OAF: variants seen among roughly 807,000 people sequenced by gnomAD.
OAF encodes the protein out at first homolog.
In OAF, 13 loss-of-function variants were observed where a neutral mutation model predicts 22.5. The ratio of observed to expected loss-of-function variants is 0.58; its 90% CI spans 0.38 to 0.92. The LOEUF (loss-of-function observed/expected upper bound fraction) is 0.92, where lower values mean the gene tolerates loss of function less well. Ranked by LOEUF, OAF falls within the 40% of genes least tolerant of loss-of-function variation. The pLI is 0.00. For synonymous variants in OAF, 175 were observed against 170.5 expected (o/e 1.03, Z -0.21); for missense variants, 347 against 381.8 (o/e 0.91, Z 0.76).
chr11:120,227,771 G>A (rs961875469), intron 3 of OAF, among the ~76,000 whole-genome samples: 17 of 152,130 alleles, frequency 1.1e-4, no homozygotes, highest in African/African-American at 3.4e-4. Context: ...CTGAGCACTG[G>A]TGAAATGCCT....
intron 1 of OAF, among the ~76,000 whole-genome samples, chr11:120,216,262 T>C (rs984226695): frequency 4.6e-5 from 7 of 152,164 alleles, no homozygotes; most frequent in African/African-American, 1.7e-4. Context: ...AATGTCCACG[T>C]TGCCACCTAA....
intron 1 of OAF, among the ~76,000 whole-genome samples, chr11:120,216,890 T>C (rs1314132816): frequency 6.6e-6 from 1 of 152,212 alleles, no homozygotes; most frequent in African/African-American, 2.4e-5. Flanking sequence ...AGATCACCCA[T>C]TGAGCAGTCC....
intron 1 of OAF, among the ~76,000 whole-genome samples, chr11:120,223,999 A>G (rs1938319290): frequency 6.6e-6 from 1 of 152,216 alleles, no homozygotes; most frequent in African/African-American, 2.4e-5. Flanking sequence ...GGAAGATCAG[A>G]TAGCCCAGGC....
At chr11:120,224,300 G>A (rs758397896) in intron 1 of OAF, among the ~76,000 whole-genome samples, 23 of 152,222 alleles carry the variant, frequency 1.5e-4, no homozygotes, top group East Asian at 5.8e-4. Flanking sequence ...ACATGCACTC[G>A]TTTGTTGCAG....
chr11:120,211,990 C>G (rs192688683), intron 1 of OAF, among the ~76,000 whole-genome samples: 1 of 152,154 alleles, frequency 6.6e-6, no homozygotes, highest in Admixed American at 6.5e-5. Context: ...TTTGGAGTCC[C>G]TCTGTCACCT....
At chr11:120,219,072 C>T (rs911727475) in intron 1 of OAF, among the ~76,000 whole-genome samples, 6 of 104,172 alleles carry the variant, frequency 5.8e-5, no homozygotes, top group East Asian at 3.1e-4. Context: ...GAGGGTGATG[C>T]GGGGTGTGCC....
At chr11:120,216,333 C>T (rs1938212579) in intron 1 of OAF, among the ~76,000 whole-genome samples, 1 of 152,174 alleles carries the variant, frequency 6.6e-6, no homozygotes, top group South Asian at 2.1e-4. Context: ...GCTTTCAGGG[C>T]CCAGTCTGCC....
chr11:120,226,782 A>G (rs753403302), intron 2 of OAF, 34 bp from the exon 3 acceptor site: 1 of 1,551,964 alleles, frequency 6.4e-7, no homozygotes, highest in East Asian at 2.3e-5. Flanking sequence ...AGCATTCTGA[A>G]GCCAGGTAGG....
chr11:120,217,763 G>A (rs971117756), intron 1 of OAF, among the ~76,000 whole-genome samples: 2 of 152,214 alleles, frequency 1.3e-5, no homozygotes, highest in Admixed American at 6.5e-5. Context: ...TGACTAAGAG[G>A]CCCTTCGCAG....
chr11:120,229,388 C>CCA lies in OAF; in HGVS notation c.*247_*248insAC. ...GCGGGCAGAGAGGGAGAGAAGGGCT[C>CCA]CCCAGATCTACACCCCTCCCTCCTG... On this transcript the variant is annotated 3_prime_UTR_variant, in exon 4 of 4. Coordinates refer to ENST00000328965, the MANE Select transcript of OAF (RefSeq NM_178507.4). 1 of 364,368 alleles carries CCA rather than the reference C, an allele frequency of 2.7e-6. No homozygotes were observed. Among genetic ancestry groups the CCA allele is most frequent in the South Asian group, 2.8e-5 (1 of 35,262 alleles). The allele number at this position is 364,368 out of a possible 1,614,324, so 22.6% of individuals were successfully genotyped here.
At chr11:120,220,558 A>G (rs1938268372) in intron 1 of OAF, among the ~76,000 whole-genome samples, 1 of 152,190 alleles carries the variant, frequency 6.6e-6, no homozygotes, top group Non-Finnish European at 1.5e-5. Context: ...CAGTGGGAGT[A>G]AACAGTGGGA....
rs115536415 is a variant in OAF at position 120,211,414 on chromosome 11, G to A, written c.135G>A (p.Glu45=). ...GGCTGCCGGACGGCCAGGTGACCGA[G>A]GAGAGCCTGCAGGCGGACAGCGACG... ...RVRLPDGQVT[E]ESLQADSDAD... Residue 45 remains glutamate, a synonymous_variant, in exon 1 of 4, where the codon GAG becomes GAA. Coordinates refer to ENST00000328965, the MANE Select transcript of OAF (RefSeq NM_178507.4). 4,058 of 1,543,742 alleles carry A rather than the reference G, an allele frequency of 2.6e-3. 99 individuals are homozygous for A. The African/African-American group carries it at 0.053, about 20-fold the overall frequency.
chr11:120,214,262 G>T (rs560126823), intron 1 of OAF, among the ~76,000 whole-genome samples: 14 of 152,268 alleles, frequency 9.2e-5, no homozygotes, highest in African/African-American at 3.4e-4. Context: ...TCTATAAAAT[G>T]GGGATAATAA....
intron 3 of OAF, among the ~76,000 whole-genome samples, chr11:120,227,562 C>T (rs1284962263): frequency 2.0e-5 from 3 of 152,168 alleles, no homozygotes; most frequent in African/African-American, 7.2e-5. Context: ...CAGGCCCTCC[C>T]TGGTGCCAGC....
At chr11:120,223,435 T>G (rs1323174469) in intron 1 of OAF, among the ~76,000 whole-genome samples, 2 of 152,208 alleles carry the variant, frequency 1.3e-5, no homozygotes, top group South Asian at 2.1e-4. Flanking sequence ...GAAACAATGT[T>G]TTTTCTCTTC....
intron 1 of OAF, among the ~76,000 whole-genome samples, chr11:120,221,972 G>A (rs575965530): frequency 6.6e-6 from 1 of 152,350 alleles, no homozygotes; most frequent in South Asian, 2.1e-4. Context: ...TGCTTTAGGT[G>A]TTAGGCCACA....
intron 1 of OAF, among the ~76,000 whole-genome samples, chr11:120,218,758 G>A (rs895775841): frequency 6.6e-6 from 1 of 152,192 alleles, no homozygotes; most frequent in African/African-American, 2.4e-5. Context: ...AGGGTGTGGA[G>A]GGAAGGGGCA....
intron 1 of OAF, among the ~76,000 whole-genome samples, chr11:120,222,287 G>T (rs1938288633): frequency 6.6e-6 from 1 of 152,258 alleles, no homozygotes; most frequent in Non-Finnish European, 1.5e-5. Context: ...GCCGGGCGCA[G>T]TGGCTCACAC....
chr11:120,215,385 C>T (rs1363623240), intron 1 of OAF, among the ~76,000 whole-genome samples: 5 of 152,058 alleles, frequency 3.3e-5, no homozygotes, highest in African/African-American at 7.2e-5. Flanking sequence ...GAACCACTGG[C>T]GCAGTTGCTC....
Sources: allele counts gnomAD v4.1 joint callset (sites outside exome capture counted in the v4.1 genomes callset), GRCh38; gene constraint gnomAD v4.1.1; transcripts MANE v1.5; gene names NCBI Gene and HGNC (gene_info 2026-07-23, HGNC 2026-07-21).